The following PTPRO variants were observed in gnomAD, a reference collection of about 807,000 sequenced individuals.
The protein encoded by PTPRO is protein tyrosine phosphatase receptor type O, also known as receptor-type tyrosine-protein phosphatase O.
In PTPRO, 62 loss-of-function variants were observed where a neutral mutation model predicts 145.2. That is an observed-to-expected ratio of 0.43 (90% CI 0.35 to 0.53). The LOEUF (loss-of-function observed/expected upper bound fraction) is 0.53. Among genes scored for constraint, PTPRO ranks in the 20% least tolerant of loss-of-function variants. PTPRO has a pLI of 0.01. For missense variants in PTPRO, 1,345 were observed against 1,482.7 expected (o/e 0.91, Z 1.53); for synonymous variants, 565 against 514.7 (o/e 1.10, Z -1.32).
At chr12:15,509,621 C>G (rs558709811) in intron 7 of PTPRO, among the ~76,000 whole-genome samples, 11 of 115,060 alleles carry the variant, frequency 9.6e-5, no homozygotes, top group African/African-American at 3.2e-4. Flanking sequence ...CACTTGAACC[C>G]GGGAGGTGGG....
In PTPRO at chr12:15,597,220, T is replaced by G. The variant is rs185974751; in HGVS notation, c.*1147T>G. On this transcript the variant is annotated 3_prime_UTR_variant, in exon 27 of 27. Transcript: ENST00000281171. ...ATTTTATTCTTTGGATTTTGTATAA[T>G]TACAGTACATGATTGTGTATTGTGA... The G allele has an allele frequency of 9.2e-5, 14 of 152,358 alleles. No homozygotes were observed. In the East Asian group the frequency reaches 2.7e-3, roughly 29 times the overall value. 9.4% of individuals were successfully genotyped at this position (152,358 alleles called of 1,614,324 possible). A position where few individuals can be genotyped will look rare whatever the true frequency, so the allele number is the denominator to read the frequency against.
intron 1 of PTPRO, among the ~76,000 whole-genome samples, chr12:15,435,190 G>C (rs1940561501): frequency 6.6e-6 from 1 of 152,102 alleles, no homozygotes; most frequent in Non-Finnish European, 1.5e-5. Flanking sequence ...AACTATAATA[G>C]GATAAGAGTG....
At chr12:15,467,444 A>G (rs1269368795) in intron 1 of PTPRO, among the ~76,000 whole-genome samples, 1 of 141,522 alleles carries the variant, frequency 7.1e-6, no homozygotes, top group Non-Finnish European at 1.6e-5. Flanking sequence ...GTGTGTGTGT[A>G]CAAAATCAAC....
intron 12 of PTPRO, 71 bp downstream of exon 12, chr12:15,526,333 C>T (rs1942837422): frequency 6.3e-7 from 1 of 1,581,970 alleles, no homozygotes; most frequent in Admixed American, 1.7e-5. Context: ...AGCAAGAGCT[C>T]CTCAATTCAA....
At chr12:15,343,292 T>C (rs1008231869) in intron 1 of PTPRO, among the ~76,000 whole-genome samples, 1 of 152,094 alleles carries the variant, frequency 6.6e-6, no homozygotes, top group Non-Finnish European at 1.5e-5. Context: ...ATTTCCACAG[T>C]GGATGGAATA....
chr12:15,525,580 G>T (rs1942820873), intron 11 of PTPRO, among the ~76,000 whole-genome samples: 1 of 152,164 alleles, frequency 6.6e-6, no homozygotes, highest in Non-Finnish European at 1.5e-5. Context: ...TTACATGCAT[G>T]TTCCAGCCTG....
At chr12:15,542,774 C>T (rs1181343569) in intron 12 of PTPRO, among the ~76,000 whole-genome samples, 1 of 152,094 alleles carries the variant, frequency 6.6e-6, no homozygotes, top group Non-Finnish European at 1.5e-5. Flanking sequence ...TTATTCTTTT[C>T]TCACACTAGG....
chr12:15,424,475 G>A (rs1940229245), intron 1 of PTPRO, among the ~76,000 whole-genome samples: 1 of 152,020 alleles, frequency 6.6e-6, no homozygotes, highest in African/African-American at 2.4e-5. Flanking sequence ...GATTTATTAA[G>A]TCTCTGCTAT....
At chr12:15,370,037 G>A (rs909847635) in intron 1 of PTPRO, among the ~76,000 whole-genome samples, 3 of 145,786 alleles carry the variant, frequency 2.1e-5, no homozygotes, top group Admixed American at 6.7e-5. Context: ...GGGCAACAGA[G>A]CAAGACTCCA....
intron 1 of PTPRO, chr12:15,348,365 TG>T (rs1430705192): frequency 6.6e-6 from 1 of 152,176 alleles, no homozygotes; most frequent in African/African-American, 2.4e-5. Context: ...CTCTAGAATC[TG>T]GGAACAGTCC....
chr12:15,482,144 GGTGTGTGTGT>G (rs57202820), intron 1 of PTPRO, among the ~76,000 whole-genome samples: 8 of 148,216 alleles, frequency 5.4e-5, no homozygotes, highest in Non-Finnish European at 7.5e-5. Flanking sequence ...AAGAAAATAT[GGTGTGTGTGT>G]GTGTGTGTGT....
rs977353169 is a variant in PTPRO, at chr12:15,403,872, G to A, written c.76-80102G>A. ...GTTTCATGAGTACAGAGATCCCATG[G>A]TCTTATTATTTATTTTATACCAATT... On this transcript the variant is annotated intron_variant, in intron 1 of 26. Coordinates refer to ENST00000281171, the MANE Select transcript of PTPRO (RefSeq NM_030667.3). 4.6e-5 allele frequency among the ~76,000 whole-genome samples: 7 copies of A among 151,998 alleles called. No homozygotes were observed. The East Asian group carries it at 9.7e-4, about 21-fold the overall frequency.
At chr12:15,545,588 T>C (rs764939246) in intron 12 of PTPRO, among the ~76,000 whole-genome samples, 3 of 151,782 alleles carry the variant, frequency 2.0e-5, no homozygotes, top group Non-Finnish European at 4.4e-5. Context: ...TGCCAGTGAC[T>C]CAATTACTAG....
intron 1 of PTPRO, chr12:15,439,724 C>T (rs1249728972): frequency 5.7e-6 from 3 of 525,638 alleles, no homozygotes; most frequent in Non-Finnish European, 1.1e-5. Context: ...CGAGCTGGAC[C>T]TCCTAGTCAA....
intron 16 of PTPRO, 114 bp from the exon 17 acceptor site, chr12:15,560,079 G>T: frequency 3.8e-6 from 3 of 783,534 alleles, no homozygotes; most frequent in Admixed American, 1.9e-5. Context: ...TAATTAAGGT[G>T]CTTGTCATAT....
intron 1 of PTPRO, among the ~76,000 whole-genome samples, chr12:15,364,560 G>A (rs1938303861): frequency 6.6e-6 from 1 of 152,126 alleles, no homozygotes; most frequent in African/African-American, 2.4e-5. Flanking sequence ...GTGACAAGCA[G>A]CCTCTGTATT....
intron 1 of PTPRO, among the ~76,000 whole-genome samples, chr12:15,352,649 CAAAAAAAA>C (rs71042243): frequency 1.0e-5 from 1 of 100,416 alleles, no homozygotes; most frequent in Non-Finnish European, 2.0e-5. Flanking sequence ...GACTCTGTCT[CAAAAAAAA>C]AAAAAAAAAA....
At chr12:15,326,634 A>C (rs769696614) in intron 1 of PTPRO, among the ~76,000 whole-genome samples, 1 of 152,264 alleles carries the variant, frequency 6.6e-6, no homozygotes, top group African/African-American at 2.4e-5. Flanking sequence ...ACGTATAAGC[A>C]GATTTACTCC....
chr12:15,586,416 C>T (rs1944431212), intron 23 of PTPRO, among the ~76,000 whole-genome samples: 1 of 152,210 alleles, frequency 6.6e-6, no homozygotes, highest in Admixed American at 6.5e-5. Context: ...GGGCTTCCCT[C>T]AGCAGGAGAA....
Sources: allele counts gnomAD v4.1 joint callset (sites outside exome capture counted in the v4.1 genomes callset), GRCh38; gene constraint gnomAD v4.1.1; transcripts MANE v1.5; gene names NCBI Gene and HGNC (gene_info 2026-07-23, HGNC 2026-07-21).